Variants in GABRB2 observed in about 807,000 individuals in gnomAD.
GABRB2 encodes gamma-aminobutyric acid type A receptor subunit beta2.
A neutral mutation model predicts 54.7 loss-of-function variants in GABRB2; 16 were observed. That is an observed-to-expected ratio of 0.29 (90% CI 0.20 to 0.44). GABRB2 has a LOEUF of 0.44. GABRB2 is among the 20% of genes least tolerant of loss of function. GABRB2 has a pLI of 1.00. For missense variants in GABRB2, 355 were observed against 644.0 expected, an observed-to-expected ratio of 0.55 and a Z score of 4.86; for synonymous variants, 244 against 233.8, an observed-to-expected ratio of 1.04 and a Z score of -0.40.
At chr5:161,373,779 G>GT (rs1171784077) in intron 5 of GABRB2, among the ~76,000 whole-genome samples, 1 of 152,100 alleles carries the variant, frequency 6.6e-6, no homozygotes, top group Non-Finnish European at 1.5e-5. Flanking sequence ...CAACTCATCA[G>GT]TAAGCAACTT....
chr5:161,318,750 C>A (rs57107021), intron 9 of GABRB2, among the ~76,000 whole-genome samples: 7,256 of 151,860 alleles, frequency 0.048, 473 homozygotes, highest in African/African-American at 0.14. Context: ...GAAATAAAAT[C>A]AAAAATAAAA....
chr5:161,500,789 G>A (rs747681848), intron 3 of GABRB2, among the ~76,000 whole-genome samples: 2 of 152,072 alleles, frequency 1.3e-5, no homozygotes, highest in Admixed American at 1.3e-4. Flanking sequence ...TCCCCCAAAT[G>A]TTTTAAACTC....
At position 161,332,627 on chromosome 5, in the gene GABRB2, A is replaced by G. The variant is rs144932598; in HGVS notation, c.833-1500T>C. On this transcript the variant is annotated intron_variant, in intron 7 of 9. Coordinates refer to ENST00000393959, the MANE Select transcript of GABRB2 (RefSeq NM_001371727.1). ...TGAAAATAGACAAAGCTCAGAGGTC[A>G]AGATCACACAGATGGAAAGTTATAG... Among the ~76,000 whole-genome samples, 73 of 152,338 alleles carry G rather than the reference A, an allele frequency of 4.8e-4. 1 individual carries two copies. The highest frequency in any genetic ancestry group is 1.6e-3 in the African/African-American group (68 of 41,590).
At chr5:161,400,396 G>A (rs1756146644) in intron 5 of GABRB2, among the ~76,000 whole-genome samples, 1 of 152,092 alleles carries the variant, frequency 6.6e-6, no homozygotes, top group South Asian at 2.1e-4. Flanking sequence ...CCTTTCCTGA[G>A]CCTAAAAGTA....
intron 9 of GABRB2, among the ~76,000 whole-genome samples, chr5:161,299,603 T>C (rs1330240961): frequency 6.6e-6 from 1 of 152,130 alleles, no homozygotes; most frequent in African/African-American, 2.4e-5. Flanking sequence ...ATTATCTTCC[T>C]TCCTTCCCCT....
intron 5 of GABRB2, among the ~76,000 whole-genome samples, chr5:161,355,929 A>G (rs921530008): frequency 2.0e-5 from 3 of 152,156 alleles, no homozygotes; most frequent in African/African-American, 7.2e-5. Flanking sequence ...TTACTCAAGA[A>G]CCAACTTTAT....
intron 9 of GABRB2, among the ~76,000 whole-genome samples, chr5:161,296,368 T>C (rs1024205289): frequency 9.2e-5 from 14 of 152,196 alleles, no homozygotes; most frequent in African/African-American, 3.4e-4. Context: ...GTTCAGAAAT[T>C]TCCCTTCTTT....
intron 3 of GABRB2, among the ~76,000 whole-genome samples, chr5:161,535,381 G>A (rs1428824960): frequency 6.6e-6 from 1 of 151,684 alleles, no homozygotes; most frequent in Non-Finnish European, 1.5e-5. Context: ...TTTCAAGGTG[G>A]AGTAGACAGC....
intron 3 of GABRB2, among the ~76,000 whole-genome samples, chr5:161,465,739 A>T (rs1393812334): frequency 6.6e-6 from 1 of 152,090 alleles, no homozygotes; most frequent in Non-Finnish European, 1.5e-5. Context: ...AATATACACA[A>T]TACATACACA....
At chr5:161,434,892 C>G (rs1478009276) in intron 4 of GABRB2, among the ~76,000 whole-genome samples, 1 of 152,156 alleles carries the variant, frequency 6.6e-6, no homozygotes. Context: ...TATCAGTCCA[C>G]TATATCCACA....
intron 5 of GABRB2, among the ~76,000 whole-genome samples, chr5:161,386,252 C>A (rs533844043): frequency 6.6e-6 from 1 of 151,988 alleles, no homozygotes; most frequent in African/African-American, 2.4e-5. Context: ...GCCTAAATGA[C>A]CCTTATTGTG....
chr5:161,493,929 G>T (rs1192689467), intron 3 of GABRB2, among the ~76,000 whole-genome samples: 1 of 151,638 alleles, frequency 6.6e-6, no homozygotes, highest in Non-Finnish European at 1.5e-5. Flanking sequence ...ACTCTTACTT[G>T]ATGTGAAGTA....
chr5:161,518,477 C>T (rs935974671), intron 3 of GABRB2, among the ~76,000 whole-genome samples: 11 of 152,266 alleles, frequency 7.2e-5, no homozygotes, highest in African/African-American at 2.6e-4. Context: ...TCTGAATGTC[C>T]TTGACTTTTG....
intron 9 of GABRB2, among the ~76,000 whole-genome samples, chr5:161,325,705 T>C (rs986887008): frequency 2.6e-5 from 4 of 152,164 alleles, no homozygotes; most frequent in Admixed American, 6.6e-5. Context: ...GCAATATGAA[T>C]GACAACTTGC....
At chr5:161,460,018 C>G (rs991748967) in intron 3 of GABRB2, among the ~76,000 whole-genome samples, 174 bp from the exon 4 acceptor site, 4 of 152,352 alleles carry the variant, frequency 2.6e-5, no homozygotes, top group African/African-American at 9.6e-5. Flanking sequence ...GATCTCGGCT[C>G]AATGCAGCCT....
At chr5:161,505,463 T>C (rs1202989739) in intron 3 of GABRB2, among the ~76,000 whole-genome samples, 4 of 152,036 alleles carry the variant, frequency 2.6e-5, no homozygotes, top group African/African-American at 9.7e-5. Context: ...AAAACCCTAA[T>C]ACTGAAACCA....
intron 3 of GABRB2, among the ~76,000 whole-genome samples, chr5:161,478,785 A>G (rs1352252091): frequency 2.0e-5 from 3 of 152,070 alleles, no homozygotes; most frequent in African/African-American, 7.2e-5. Context: ...TTAACTGACT[A>G]TTTTATTTTT....
At chr5:161,333,704 C>T (rs981631616) in intron 7 of GABRB2, among the ~76,000 whole-genome samples, 4 of 152,150 alleles carry the variant, frequency 2.6e-5, no homozygotes, top group Admixed American at 6.5e-5. Context: ...CCTCATTAGC[C>T]TCCTGCTGAC....
chr5:161,317,084 A>G (rs1242744746), intron 9 of GABRB2, among the ~76,000 whole-genome samples: 1 of 143,890 alleles, frequency 6.9e-6, no homozygotes, highest in Non-Finnish European at 1.5e-5. Flanking sequence ...CGTGAGAGAG[A>G]AAAAAAATGA....
Sources: gnomAD v4.1 joint callset for allele counts (sites outside exome capture counted in the v4.1 genomes callset) on GRCh38, gnomAD v4.1.1 for gene constraint, MANE v1.5 for transcripts, NCBI Gene and HGNC (gene_info 2026-07-23, HGNC 2026-07-21) for gene names.